The following NKAIN3 variants were observed in gnomAD, a reference collection of about 807,000 sequenced individuals.
The protein encoded by NKAIN3 is sodium/potassium transporting ATPase interacting 3, also known as sodium/potassium-transporting ATPase subunit beta-1-interacting protein 3.
A neutral mutation model predicts 30.2 loss-of-function variants in NKAIN3; 25 were observed. That is an observed-to-expected ratio of 0.83 (90% CI 0.60 to 1.16). NKAIN3 has a LOEUF of 1.16. NKAIN3 is among the 50% of genes most tolerant of loss of function. NKAIN3 has a pLI of 0.00. For synonymous variants in NKAIN3, 91 were observed against 89.6 expected, an observed-to-expected ratio of 1.02 and a Z score of -0.09; for missense variants, 225 against 254.1, an observed-to-expected ratio of 0.89 and a Z score of 0.78.
intron 1 of NKAIN3, among the ~76,000 whole-genome samples, chr8:62,353,532 AT>A (rs1352283608): frequency 1.6e-4 from 24 of 152,188 alleles, no homozygotes; most frequent in Admixed American, 7.2e-4. Flanking sequence ...TGAATGGTAT[AT>A]TATCTGTTTT....
At chr8:62,838,469 C>A (rs1277151620) in intron 4 of NKAIN3, among the ~76,000 whole-genome samples, 1 of 151,792 alleles carries the variant, frequency 6.6e-6, no homozygotes, top group Non-Finnish European at 1.5e-5. Flanking sequence ...AAGATGCAAA[C>A]AAGTAAAATT....
intron 4 of NKAIN3, among the ~76,000 whole-genome samples, chr8:62,881,077 A>T (rs888815767): frequency 2.0e-5 from 3 of 152,214 alleles, no homozygotes; most frequent in Non-Finnish European, 4.4e-5. Flanking sequence ...TCAGAGTGTT[A>T]CATTTATTAC....
chr8:62,892,291 C>T (rs4626587), intron 4 of NKAIN3, among the ~76,000 whole-genome samples: 117,475 of 152,150 alleles, frequency 0.77, 46,183 homozygotes, highest in East Asian at 0.93. Flanking sequence ...CAGATCCTAA[C>T]ATAGGTTAAC....
intron 3 of NKAIN3, among the ~76,000 whole-genome samples, chr8:62,713,338 A>G (rs1325747962): frequency 6.6e-6 from 1 of 152,226 alleles, no homozygotes; most frequent in Admixed American, 6.5e-5. Flanking sequence ...TATTTTAAAC[A>G]CATCCAAAAC....
At chr8:62,741,025 T>C (rs149309185) in intron 3 of NKAIN3, among the ~76,000 whole-genome samples, 46 of 132,202 alleles carry the variant, frequency 3.5e-4, no homozygotes, top group African/African-American at 1.2e-3. Flanking sequence ...CTAAACTTTA[T>C]GAAAAAAAAA....
At chr8:62,625,342 CATGTAA>C (rs1445699453) in intron 3 of NKAIN3, among the ~76,000 whole-genome samples, 1 of 152,098 alleles carries the variant, frequency 6.6e-6, no homozygotes, top group Non-Finnish European at 1.5e-5. Flanking sequence ...CCATTATCTA[CATGTAA>C]CAGATAAGGA....
At chr8:62,360,690 T>C (rs969111834) in intron 1 of NKAIN3, among the ~76,000 whole-genome samples, 2 of 152,108 alleles carry the variant, frequency 1.3e-5, no homozygotes, top group Non-Finnish European at 2.9e-5. Flanking sequence ...ATTTTCTGTC[T>C]CAATGATCTG....
At chr8:62,307,154 A>G (rs1814272165) in intron 1 of NKAIN3, among the ~76,000 whole-genome samples, 1 of 149,430 alleles carries the variant, frequency 6.7e-6, no homozygotes, top group Non-Finnish European at 1.5e-5. Context: ...AGCAGCTGGT[A>G]TCTCCTGGTG....
chr8:62,650,337 G>T (rs1253221822), intron 3 of NKAIN3, among the ~76,000 whole-genome samples: 1 of 151,978 alleles, frequency 6.6e-6, no homozygotes, highest in Non-Finnish European at 1.5e-5. Context: ...AATTGGTCTT[G>T]GTGCCTATAG....
chr8:62,265,998 T>C (rs896101773), intron 1 of NKAIN3, among the ~76,000 whole-genome samples: 1 of 152,128 alleles, frequency 6.6e-6, no homozygotes, highest in African/African-American at 2.4e-5. Context: ...TTAAATTGAG[T>C]TCTCCTTTGC....
At chr8:62,716,854 T>C (rs1742403801) in intron 3 of NKAIN3, among the ~76,000 whole-genome samples, 2 of 152,040 alleles carry the variant, frequency 1.3e-5, no homozygotes, top group African/African-American at 4.8e-5. Context: ...TCCCAGCACT[T>C]ATGAGATGAG....
At chr8:62,361,078 C>A (rs185943792) in intron 1 of NKAIN3, among the ~76,000 whole-genome samples, 2 of 151,842 alleles carry the variant, frequency 1.3e-5, no homozygotes, top group Non-Finnish European at 2.9e-5. Flanking sequence ...ACCAAACCCC[C>A]GCATCACACT....
intron 3 of NKAIN3, among the ~76,000 whole-genome samples, chr8:62,740,773 G>A (rs1203653499): frequency 6.6e-6 from 1 of 151,692 alleles, no homozygotes; most frequent in Admixed American, 6.6e-5. Context: ...TTTTTTAATT[G>A]AAATATTTGG....
intron 3 of NKAIN3, among the ~76,000 whole-genome samples, chr8:62,691,990 T>C (rs6472042): frequency 0.31 from 47,390 of 152,040 alleles, 10,181 homozygotes; most frequent in African/African-American, 0.61. Flanking sequence ...AGCATTTTTA[T>C]GTATTTGGAG....
chr8:62,456,573 T>C (rs1172557051), intron 1 of NKAIN3, among the ~76,000 whole-genome samples: 1 of 152,022 alleles, frequency 6.6e-6, no homozygotes, highest in African/African-American at 2.4e-5. Context: ...GAGAGGGCCC[T>C]TTTCCTGATA....
chr8:62,942,102 A>G (rs1822973525), intron 5 of NKAIN3, among the ~76,000 whole-genome samples: 1 of 151,572 alleles, frequency 6.6e-6, no homozygotes, highest in African/African-American at 2.4e-5. Context: ...AATCAGTAGC[A>G]GTGCTGTACA....
chr8:62,632,508 C>CT (rs538099283), intron 3 of NKAIN3, among the ~76,000 whole-genome samples: 41 of 151,958 alleles, frequency 2.7e-4, no homozygotes, highest in Admixed American at 1.3e-3. Context: ...TTACAAATGT[C>CT]TTTTTTTTCT....
chr8:62,864,851 A>G (rs1820370795), intron 4 of NKAIN3, among the ~76,000 whole-genome samples: 1 of 152,190 alleles, frequency 6.6e-6, no homozygotes, highest in South Asian at 2.1e-4. Context: ...TTCACGGAAG[A>G]CATCCAGATG....
At chr8:62,854,410 T>C (rs890155991) in intron 4 of NKAIN3, among the ~76,000 whole-genome samples, 5 of 152,248 alleles carry the variant, frequency 3.3e-5, no homozygotes, top group Non-Finnish European at 7.3e-5. Context: ...ATATTTAAGA[T>C]AGTTGGCACT....
Sources: gnomAD v4.1 joint callset for allele counts (sites outside exome capture counted in the v4.1 genomes callset) on GRCh38, gnomAD v4.1.1 for gene constraint, MANE v1.5 for transcripts, NCBI Gene and HGNC (gene_info 2026-07-23, HGNC 2026-07-21) for gene names.